The following TNRC6B variants were observed in gnomAD, a reference collection of about 807,000 sequenced individuals.
TNRC6B encodes trinucleotide repeat containing adaptor 6B, also known as trinucleotide repeat-containing gene 6B protein.
TNRC6B carries 52 observed loss-of-function variants against 203.6 expected under a neutral mutation model. That is an observed-to-expected ratio of 0.26 (90% CI 0.20 to 0.32). The LOEUF (loss-of-function observed/expected upper bound fraction) is 0.32, where lower values mean the gene tolerates loss of function less well. TNRC6B is among the 10% of genes least tolerant of loss of function. The probability of loss-of-function intolerance (pLI) is 1.00; values close to 1 mark genes in which losing one functional copy is unlikely to be tolerated. For synonymous variants in TNRC6B, 838 were observed against 845.7 expected, an observed-to-expected ratio of 0.99 and a Z score of 0.16; for missense variants, 1,923 against 2,286.2, an observed-to-expected ratio of 0.84 and a Z score of 3.24.
At chr22:40,263,299 T>C (rs997623303) in intron 4 of TNRC6B, among the ~76,000 whole-genome samples, 2 of 152,234 alleles carry the variant, frequency 1.3e-5, no homozygotes, top group African/African-American at 4.8e-5. Flanking sequence ...GTCACCATCT[T>C]GCTGTGTGCA....
chr22:40,220,417 T>A lies in TNRC6B; in HGVS notation c.6-25598T>A, dbSNP rs550715040. Among the ~76,000 whole-genome samples, 4 of 152,012 alleles carry A rather than the reference T, an allele frequency of 2.6e-5. No homozygotes were observed. In the East Asian group the frequency reaches 7.7e-4, roughly 29 times the overall value. The stretch of plus-strand genomic sequence containing the variant: ...TGAGCCCCCTCCACATCCCACCCCA[T>A]TGGGGTGCCTTTGTCACTCTTGACA... On this transcript the variant is annotated intron_variant, in intron 1 of 22. Coordinates refer to ENST00000454349, the MANE Select transcript of TNRC6B (RefSeq NM_001162501.2).
chr22:40,229,712 G>T (rs894003838), intron 1 of TNRC6B, among the ~76,000 whole-genome samples: 8 of 152,102 alleles, frequency 5.3e-5, no homozygotes, highest in Non-Finnish European at 7.4e-5. Context: ...GAATTGTTCA[G>T]TAGGTACTCT....
intron 1 of TNRC6B, among the ~76,000 whole-genome samples, chr22:40,188,761 T>TA (rs1026281235): frequency 6.6e-6 from 1 of 152,214 alleles, no homozygotes; most frequent in South Asian, 2.1e-4. Context: ...GGCTCTACTA[T>TA]AAAAAATTCA....
intron 13 of TNRC6B, 53 bp from the exon 14 acceptor site, chr22:40,300,857 G>A (rs1292644155): frequency 2.6e-6 from 4 of 1,558,498 alleles, no homozygotes; most frequent in Admixed American, 3.7e-5. Context: ...GGTGTCCTCA[G>A]TAAATCAATC....
chr22:40,297,303 C>A (rs992753873), intron 12 of TNRC6B, among the ~76,000 whole-genome samples: 5 of 152,164 alleles, frequency 3.3e-5, no homozygotes, highest in Admixed American at 3.3e-4. Flanking sequence ...CGGCATATGA[C>A]TAGATTATCC....
chr22:40,247,679 C>T (rs2070127175), intron 2 of TNRC6B, among the ~76,000 whole-genome samples: 1 of 152,218 alleles, frequency 6.6e-6, no homozygotes, highest in Admixed American at 6.5e-5. Context: ...TATTCTCCAT[C>T]ACATCTTCAT....
At position 40,242,861 on chromosome 22, in the gene TNRC6B, A is replaced by ATTTAT. The variant is rs531549707; in HGVS notation, c.6-3139_6-3135dup. Among the ~76,000 whole-genome samples, 20 of 151,186 alleles carry ATTTAT rather than the reference A, an allele frequency of 1.3e-4. 2 individuals carry two copies. In the South Asian group the frequency reaches 4.0e-3, roughly 30 times the overall value. ...GCTTGGGCTCTCACTCAGAACAGGG[A>ATTTAT]TTTATTTTATTTTATTTTACTTTTT... On this transcript the variant is annotated intron_variant, in intron 1 of 22. Coordinates refer to ENST00000454349, the MANE Select transcript of TNRC6B (RefSeq NM_001162501.2).
At chr22:40,201,701 A>C (rs775394447) in intron 1 of TNRC6B, among the ~76,000 whole-genome samples, 1 of 151,960 alleles carries the variant, frequency 6.6e-6, no homozygotes, top group Non-Finnish European at 1.5e-5. Flanking sequence ...CTGGGATTAG[A>C]GTTGTGAGCC....
rs1400606577 is a variant in TNRC6B, at chr22:40,330,178, G to GC, written c.*6937_*6938insC. On this transcript the variant is annotated 3_prime_UTR_variant, in exon 23 of 23. Transcript: ENST00000454349. ...TAGCCAATATCAACAAGTTGGGATG[G>GC]TTTTTGTTTTTTTCTTTTTTTTCAA... 1 of 152,124 alleles carries GC rather than the reference G, an allele frequency of 6.6e-6. No homozygotes were observed. The highest frequency in any genetic ancestry group is 1.9e-4 in the East Asian group (1 of 5,200). 9.4% of individuals were successfully genotyped at this position (152,124 alleles called of 1,614,324 possible). A position where few individuals can be genotyped will look rare whatever the true frequency, so the allele number is the denominator to read the frequency against.
chr22:40,058,824 G>T (rs2067823330), intron 1 of TNRC6B, among the ~76,000 whole-genome samples: 1 of 152,014 alleles, frequency 6.6e-6, no homozygotes, highest in Non-Finnish European at 1.5e-5. Context: ...CTGTGGCTTT[G>T]GACTTTGACC....
intron 1 of TNRC6B, among the ~76,000 whole-genome samples, chr22:40,056,637 A>T (rs1421832717): frequency 6.6e-6 from 1 of 152,042 alleles, no homozygotes; most frequent in African/African-American, 2.4e-5. Context: ...TCTACAAAAA[A>T]TGTTTTAAAC....
intron 12 of TNRC6B, among the ~76,000 whole-genome samples, chr22:40,294,072 A>AC (rs1265710633): frequency 1.8e-5 from 1 of 54,212 alleles, no homozygotes; most frequent in Admixed American, 2.8e-4. Flanking sequence ...CCCCATCTCT[A>AC]CAAAAAAAAA....
chr22:40,089,182 T>C (rs559377495), intron 1 of TNRC6B, among the ~76,000 whole-genome samples: 1 of 152,346 alleles, frequency 6.6e-6, no homozygotes, highest in Non-Finnish European at 1.5e-5. Context: ...GATACAAATA[T>C]AAAATAAAAG....
At chr22:40,250,609 C>G (rs2070178513) in intron 2 of TNRC6B, among the ~76,000 whole-genome samples, 1 of 152,166 alleles carries the variant, frequency 6.6e-6, no homozygotes, top group African/African-American at 2.4e-5. Context: ...TTAATCCTTA[C>G]AGCAGTCCTT....
At chr22:40,062,592 T>C (rs2146272822) in intron 1 of TNRC6B, among the ~76,000 whole-genome samples, 1 of 152,340 alleles carries the variant, frequency 6.6e-6, no homozygotes, top group African/African-American at 2.4e-5. Context: ...TTTACAATCC[T>C]ACCAGCAGTA....
chr22:40,074,605 C>T (rs1399117738), intron 1 of TNRC6B, among the ~76,000 whole-genome samples: 1 of 151,908 alleles, frequency 6.6e-6, no homozygotes, highest in Non-Finnish European at 1.5e-5. Context: ...GGTAAAACCC[C>T]GTCTCTACTA....
chr22:40,101,464 TGG>T (rs765535788), intron 1 of TNRC6B, among the ~76,000 whole-genome samples: 11 of 152,216 alleles, frequency 7.2e-5, no homozygotes, highest in Non-Finnish European at 1.3e-4. Context: ...TGCTGCTGTC[TGG>T]GGACCACACT....
chr22:40,139,364 A>G (rs528548875), intron 3 of TNRC6B, among the ~76,000 whole-genome samples: 28 of 125,218 alleles, frequency 2.2e-4, no homozygotes, highest in African/African-American at 6.5e-4. Flanking sequence ...GTCTTGCTCT[A>G]TGGCCCAGGC....
chr22:40,311,564 G>A (rs1260212328), intron 17 of TNRC6B, among the ~76,000 whole-genome samples: 1 of 150,682 alleles, frequency 6.6e-6, no homozygotes, highest in Admixed American at 6.6e-5. Flanking sequence ...TTTTTGAAAG[G>A]GAGTTTTGCT....
Sources: gnomAD v4.1 joint callset for allele counts (sites outside exome capture counted in the v4.1 genomes callset) on GRCh38, gnomAD v4.1.1 for gene constraint, MANE v1.5 for transcripts, NCBI Gene and HGNC (gene_info 2026-07-23, HGNC 2026-07-21) for gene names.